Variants in AVEN observed in about 807,000 individuals in gnomAD.
AVEN encodes the protein apoptosis and caspase activation inhibitor.
Under a neutral mutation model 38.1 loss-of-function variants are expected in AVEN, and 41 were observed. The observed-to-expected ratio is 1.08, with a 90% CI of 0.84 to 1.40. The LOEUF is 1.40. Among genes scored for constraint, AVEN ranks in the 40% most tolerant of loss-of-function variants. AVEN has a pLI of 0.00. For synonymous variants in AVEN, 206 were observed against 171.8 expected (o/e 1.20, Z -1.56); for missense variants, 605 against 438.8 (o/e 1.38, Z -3.38).
At chr15:34,014,100 C>T (rs149767040) in intron 1 of AVEN, among the ~76,000 whole-genome samples, 105 of 152,276 alleles carry the variant, frequency 6.9e-4, no homozygotes, top group Admixed American at 1.8e-3. Flanking sequence ...CAGTGGCTCA[C>T]GCCTGCAATC....
intron 2 of AVEN, among the ~76,000 whole-genome samples, chr15:33,907,888 T>C (rs1453459729): frequency 6.6e-6 from 1 of 151,842 alleles, no homozygotes; most frequent in African/African-American, 2.4e-5. Context: ...TTTTATAATC[T>C]TGGAGTGAAG....
chr15:34,019,793 G>C (rs993974797), intron 1 of AVEN, among the ~76,000 whole-genome samples: 1 of 152,120 alleles, frequency 6.6e-6, no homozygotes, highest in Non-Finnish European at 1.5e-5. Flanking sequence ...CACCATCTAG[G>C]TTTATGTAAG....
chr15:33,862,321 G>A (rs781577228), downstream of AVEN, among the ~76,000 whole-genome samples: 42 of 151,800 alleles, frequency 2.8e-4, 1 homozygote, highest in Admixed American at 2.4e-3. Flanking sequence ...CAAGACATCC[G>A]CCTCAGCCTC....
intron 2 of AVEN, among the ~76,000 whole-genome samples, chr15:33,920,635 G>A (rs2153047815): frequency 6.6e-6 from 1 of 152,248 alleles, no homozygotes; most frequent in East Asian, 1.9e-4. Flanking sequence ...AAAACGCAAA[G>A]AAAAAATGTA....
intron 1 of AVEN, among the ~76,000 whole-genome samples, chr15:34,010,403 G>C (rs773109253): frequency 3.9e-5 from 6 of 152,144 alleles, no homozygotes; most frequent in Admixed American, 1.3e-4. Context: ...AGATGAGCCA[G>C]TAAAATTTCA....
chr15:33,893,748 T>G (rs1378874587), intron 2 of AVEN, among the ~76,000 whole-genome samples: 1 of 152,172 alleles, frequency 6.6e-6, no homozygotes, highest in Non-Finnish European at 1.5e-5. Context: ...GAAAGGGGTG[T>G]GCACTCTCTG....
chr15:34,017,003 T>C (rs547463259), intron 1 of AVEN, among the ~76,000 whole-genome samples: 1 of 94,756 alleles, frequency 1.1e-5, no homozygotes, highest in South Asian at 3.3e-4. Flanking sequence ...TGGTGGCACA[T>C]CCCTGTAGTC....
At chr15:34,024,719 C>G (rs7178436) in intron 1 of AVEN, among the ~76,000 whole-genome samples, 147,644 of 148,810 alleles carry the variant, frequency 0.99, 73,254 homozygotes, top group Middle Eastern at 1. Context: ...AAATTAGCCA[C>G]GCATGGTGGC....
At chr15:33,987,223 C>T (rs1896515078) in intron 2 of AVEN, among the ~76,000 whole-genome samples, 1 of 152,202 alleles carries the variant, frequency 6.6e-6, no homozygotes, top group African/African-American at 2.4e-5. Flanking sequence ...TAAGAATGTA[C>T]AATGCAGTAT....
chr15:33,867,112 T>C (rs1230167099), intron 5 of AVEN, among the ~76,000 whole-genome samples: 1 of 152,216 alleles, frequency 6.6e-6, no homozygotes, highest in East Asian at 1.9e-4. Context: ...TGGTGTTCTT[T>C]TGTCAAAATA....
intron 1 of AVEN, among the ~76,000 whole-genome samples, chr15:34,073,986 CTTCTTTTTTT>C (rs755470459): frequency 0.57 from 63,607 of 111,042 alleles, 20,906 homozygotes; most frequent in East Asian, 0.71. Flanking sequence ...TTTTCTTCTT[CTTCTTTTTTT>C]TTTTTTTTTT....
intron 5 of AVEN, among the ~76,000 whole-genome samples, chr15:34,048,464 G>C (rs895390373): frequency 6.6e-6 from 1 of 151,018 alleles, no homozygotes; most frequent in East Asian, 2.0e-4. Context: ...AGTGGGACCT[G>C]GATCCATTCC....
chr15:33,957,339 C>T (rs1394824790), intron 2 of AVEN, among the ~76,000 whole-genome samples: 1 of 152,142 alleles, frequency 6.6e-6, no homozygotes, highest in Non-Finnish European at 1.5e-5. Context: ...ACAAAAAGTC[C>T]TTCAGTCTAG....
In AVEN at chr15:34,033,299, A is replaced by C. The variant is rs1898948966; in HGVS notation, c.267+5481T>G. Among the ~76,000 whole-genome samples the C allele has an allele frequency of 2.0e-5, 3 of 152,146 alleles. No homozygotes were observed. The South Asian group carries it at 6.2e-4, about 32-fold the overall frequency. On this transcript the variant is annotated intron_variant, in intron 1 of 5. Coordinates refer to ENST00000306730, the MANE Select transcript of AVEN (RefSeq NM_020371.3). ...AGCGGGCGGACTGCCTGACCTCAGGAGTTCAAAACCAGCCTGAGCAACACG... is the reference window on the plus strand; with the variant it reads ...AGCGGGCGGACTGCCTGACCTCAGGCGTTCAAAACCAGCCTGAGCAACACG...
chr15:34,037,007 G>C (rs1265999158), intron 1 of AVEN, among the ~76,000 whole-genome samples: 3 of 152,038 alleles, frequency 2.0e-5, no homozygotes, highest in Non-Finnish European at 1.5e-5. Flanking sequence ...TACTTGGGAG[G>C]CTGAGGCAGG....
chr15:34,064,529 G>T, intron 4 of AVEN: 1 of 604,936 alleles, frequency 1.7e-6, no homozygotes, highest in East Asian at 2.9e-5. Context: ...TATGACCAAG[G>T]CCATTTGATG....
chr15:33,983,637 T>C (rs1896290331), intron 2 of AVEN, among the ~76,000 whole-genome samples: 1 of 152,130 alleles, frequency 6.6e-6, no homozygotes, highest in Non-Finnish European at 1.5e-5. Context: ...TTTTAACACA[T>C]GCCCAGAAAT....
intron 2 of AVEN, among the ~76,000 whole-genome samples, chr15:33,919,861 C>G (rs1237777133): frequency 6.6e-6 from 1 of 152,182 alleles, no homozygotes; most frequent in Non-Finnish European, 1.5e-5. Context: ...GATTTCCATT[C>G]ATAATGAATG....
At chr15:33,944,690 T>G (rs900543713) in intron 2 of AVEN, among the ~76,000 whole-genome samples, 13 of 151,780 alleles carry the variant, frequency 8.6e-5, no homozygotes, top group Admixed American at 1.3e-4. Context: ...GCGCCTGTAG[T>G]CCCAGCTACT....
Sources: gnomAD v4.1 joint callset for allele counts (sites outside exome capture counted in the v4.1 genomes callset) on GRCh38, gnomAD v4.1.1 for gene constraint, MANE v1.5 for transcripts, NCBI Gene and HGNC (gene_info 2026-07-23, HGNC 2026-07-21) for gene names.